Variants in TNFRSF19 observed in about 807,000 individuals in gnomAD.
TNFRSF19 encodes TNF receptor superfamily member 19, also known as tumor necrosis factor receptor superfamily member 19.
Under a neutral mutation model 46.4 loss-of-function variants are expected in TNFRSF19, and 27 were observed. That is an observed-to-expected ratio of 0.58 (90% CI 0.43 to 0.80). The LOEUF is 0.80. TNFRSF19 is among the 30% of genes least tolerant of loss of function. The pLI is 0.00. For missense variants in TNFRSF19, 511 were observed against 530.8 expected (o/e 0.96, Z 0.37); for synonymous variants, 204 against 205.0 (o/e 1.00, Z 0.04).
chr13:23,674,526 G>A lies in TNFRSF19; in HGVS notation c.*1146G>A, dbSNP rs1468614302. 1 of 152,164 alleles carries A rather than the reference G, an allele frequency of 6.6e-6. No homozygotes were observed. The highest frequency in any genetic ancestry group is 1.5e-5 in the Non-Finnish European group (1 of 68,038). The allele number at this position is 152,164 out of a possible 1,614,324, so 9.4% of individuals were successfully genotyped here. On this transcript the variant is annotated 3_prime_UTR_variant, in exon 10 of 10. Coordinates refer to ENST00000248484, the MANE Select transcript of TNFRSF19 (RefSeq NM_148957.4). ...AGCCATCCGGTGTTGGATTTAAGAG[G>A]ACGGTGCTTCTTTCTATTAAAGTGC...
intron 7 of TNFRSF19, among the ~76,000 whole-genome samples, chr13:23,666,405 C>A (rs1166796492): frequency 6.6e-6 from 1 of 152,156 alleles, no homozygotes; most frequent in Admixed American, 6.5e-5. Context: ...TAAGGAGGAA[C>A]TTTCGTTCTC....
At chr13:23,663,394 G>C (rs1314024173) in intron 7 of TNFRSF19, among the ~76,000 whole-genome samples, 2 of 152,142 alleles carry the variant, frequency 1.3e-5, no homozygotes, top group Non-Finnish European at 2.9e-5. Flanking sequence ...TAGCTTTTTT[G>C]ATGTGCTGCT....
intron 5 of TNFRSF19, among the ~76,000 whole-genome samples, chr13:23,642,846 T>C (rs1883107213): frequency 6.6e-6 from 1 of 152,262 alleles, no homozygotes; most frequent in Non-Finnish European, 1.5e-5. Flanking sequence ...GGAGTAGATG[T>C]GTTTCCAGTT....
At chr13:23,667,864 C>A in intron 7 of TNFRSF19, 116 bp from the exon 8 acceptor site, 1 of 846,130 alleles carries the variant, frequency 1.2e-6, no homozygotes, top group Non-Finnish European at 1.7e-6. Context: ...TTCCTTTTCC[C>A]CCAAAAGTCA....
At chr13:23,655,757 G>T (rs994405992) in intron 5 of TNFRSF19, among the ~76,000 whole-genome samples, 10 of 149,552 alleles carry the variant, frequency 6.7e-5, no homozygotes, top group African/African-American at 1.2e-4. Flanking sequence ...CCTTATTTTT[G>T]GTTTTGTTTT....
chr13:23,592,478 G>T (rs1879385401), intron 2 of TNFRSF19, among the ~76,000 whole-genome samples: 1 of 152,142 alleles, frequency 6.6e-6, no homozygotes, highest in African/African-American at 2.4e-5. Context: ...AGAGAAAAAA[G>T]CTATATTTTG....
At chr13:23,635,287 G>A (rs1168435998) in intron 5 of TNFRSF19, among the ~76,000 whole-genome samples, 1 of 152,142 alleles carries the variant, frequency 6.6e-6, no homozygotes, top group Admixed American at 6.6e-5. Flanking sequence ...CTCAAAGGTT[G>A]AAAAGGGCAT....
chr13:23,668,703 C>T lies in TNFRSF19; in HGVS notation c.851C>T (p.Pro284Leu), dbSNP rs201152842. The T allele has an allele frequency of 2.0e-5, 32 of 1,613,272 alleles. No homozygotes were observed. The highest frequency in any genetic ancestry group is 1.2e-4 in the Admixed American group (7 of 59,966). The part of the protein sequence containing the change: ...AASLQARNAG[P>L]AGEMVPTFFG... Reference sequence around the variant, plus strand: ...GAACGTGTGTGCAGAAACGCAGGCCCAGCCGGGGAGATGGTGCCGACTTTC... The same window carrying T: ...GAACGTGTGTGCAGAAACGCAGGCCTAGCCGGGGAGATGGTGCCGACTTTC... The change falls in exon 9 of 10, where the codon CCA becomes CTA. Residue 284 changes from proline (P) to leucine (L), a missense_variant. Physicochemically the swap from Pro to Leu is moderately conservative, Grantham distance 98. Around this residue, in one of 3 missense-constraint regions of TNFRSF19, gnomAD observed 376 missense variants for 372.7 expected, o/e 1.01. Coordinates refer to ENST00000248484, the MANE Select transcript of TNFRSF19 (RefSeq NM_148957.4).
intron 1 of TNFRSF19, among the ~76,000 whole-genome samples, chr13:23,571,930 C>G (rs1206883385): frequency 6.6e-6 from 1 of 151,430 alleles, no homozygotes; most frequent in Non-Finnish European, 1.5e-5. Context: ...TAATTATTAT[C>G]ACAAGTCTAT....
chr13:23,673,393 T>C lies in TNFRSF19; in HGVS notation c.*13T>C. The C allele has an allele frequency of 6.2e-7, 1 of 1,604,884 alleles. No individual in the cohort carries two copies. On this transcript the variant is annotated 3_prime_UTR_variant, in exon 10 of 10. Transcript: ENST00000248484. ...TTAGGAAGCTTAAAGAACCTGCTTC[T>C]TTCTGCAGTAGAAGCGTGTGCTGGA...
intron 1 of TNFRSF19, among the ~76,000 whole-genome samples, chr13:23,580,228 C>T (rs1195450157): frequency 1.3e-5 from 2 of 152,200 alleles, no homozygotes; most frequent in Non-Finnish European, 2.9e-5. Flanking sequence ...CACTAGTCAT[C>T]CAGTCTCCGT....
rs115466073 is a variant in TNFRSF19 at position 23,672,955 on chromosome 13, A to T, written c.1246-417A>T. Among the ~76,000 whole-genome samples the T allele has an allele frequency of 2.2e-3, 336 of 152,366 alleles. 3 individuals are homozygous for T. The highest frequency in any genetic ancestry group is 7.8e-3 in the African/African-American group (323 of 41,590). ...TGGCAGATAAAGAATGGTACTATTC[A>T]TTCATCTTTGTTCTTTGAAAGAAAG... On this transcript the variant is annotated intron_variant, in intron 9 of 9. Transcript: ENST00000248484.
At chr13:23,629,086 CTTTTT>C (rs11389906) in intron 5 of TNFRSF19, among the ~76,000 whole-genome samples, 1 of 142,516 alleles carries the variant, frequency 7.0e-6, no homozygotes, top group South Asian at 2.2e-4. Context: ...CCACTTTGGG[CTTTTT>C]TTTTTTTTTA....
intron 7 of TNFRSF19, among the ~76,000 whole-genome samples, chr13:23,662,795 CT>C (rs1397796145): frequency 6.6e-6 from 1 of 152,088 alleles, no homozygotes; most frequent in African/African-American, 2.4e-5. Flanking sequence ...ATGGGATTGT[CT>C]TGCTGATTTG....
intron 3 of TNFRSF19, among the ~76,000 whole-genome samples, chr13:23,614,811 C>G (rs1881160292): frequency 1.4e-5 from 2 of 147,988 alleles, no homozygotes; most frequent in African/African-American, 5.0e-5. Flanking sequence ...TGAAGCCTGA[C>G]TCTGGAATTA....
At chr13:23,662,606 C>T (rs1321352843) in intron 7 of TNFRSF19, among the ~76,000 whole-genome samples, 2 of 152,108 alleles carry the variant, frequency 1.3e-5, no homozygotes, top group African/African-American at 4.8e-5. Flanking sequence ...TGAATCTGTA[C>T]ATTTGTTTGG....
Position 23,675,525 on chromosome 13 carries a change from T to TG in TNFRSF19, c.*2148dup, listed in dbSNP as rs1394102537. 1 of 152,248 alleles carries TG rather than the reference T, an allele frequency of 6.6e-6. No individual in the cohort carries two copies. Among genetic ancestry groups the TG allele is most frequent in the Non-Finnish European group, 1.5e-5 (1 of 68,042 alleles). The allele number at this position is 152,248 out of a possible 1,614,324, so 9.4% of individuals were successfully genotyped here. ...ATTTGCTACTGAATTTGGTAAATCC[T>TG]GGGTAACTTTTATCAAGATGAAGAC... On this transcript the variant is annotated 3_prime_UTR_variant, in exon 10 of 10. Transcript: ENST00000248484.
intron 5 of TNFRSF19, among the ~76,000 whole-genome samples, chr13:23,635,689 T>C (rs946452607): frequency 6.6e-6 from 1 of 152,212 alleles, no homozygotes; most frequent in East Asian, 1.9e-4. Flanking sequence ...TAAAACATTA[T>C]TTTAATTGCT....
chr13:23,574,424 CATT>C, intron 1 of TNFRSF19, among the ~76,000 whole-genome samples: 1 of 150,034 alleles, frequency 6.7e-6, no homozygotes, highest in Non-Finnish European at 1.5e-5. Context: ...TGTCAGCAAA[CATT>C]ATAGCCAAAA....
Sources: gnomAD v4.1 joint callset for allele counts (sites outside exome capture counted in the v4.1 genomes callset) on GRCh38, gnomAD v4.1.1 for gene constraint, gnomAD v4.1.1 regional missense constraint, MANE v1.5 for transcripts, NCBI Gene and HGNC (gene_info 2026-07-23, HGNC 2026-07-21) for gene names.